GATA1: variants seen among roughly 807,000 people sequenced by gnomAD.
GATA1 encodes the protein erythroid transcription factor.
A neutral mutation model predicts 18.9 loss-of-function variants in GATA1; 2 were observed. The observed-to-expected ratio is 0.11, with a 90% CI of 0.04 to 0.33. The LOEUF is 0.33. Among genes scored for constraint, GATA1 ranks in the 10% least tolerant of loss-of-function variants. The pLI is 1.00. For synonymous variants in GATA1, 152 were observed against 149.1 expected, an observed-to-expected ratio of 1.02 and a Z score of -0.14; for missense variants, 272 against 344.7, an observed-to-expected ratio of 0.79 and a Z score of 1.67.
intron 1 of GATA1, among the ~76,000 whole-genome samples, chrX:48,788,356 C>A (rs1019424760): frequency 9.2e-6 from 1 of 109,184 alleles, no homozygotes; most frequent in African/African-American, 3.3e-5. Flanking sequence ...GACAGATGGC[C>A]GGAGAAAAAG....
chrX:48,791,065 T>C (rs1557019980), intron 1 of GATA1, 26 bp from the exon 2 acceptor site: 1 of 1,062,876 alleles, frequency 9.4e-7, no homozygotes, highest in African/African-American at 1.9e-5. Context: ...GATTTCTGTG[T>C]CTGAGGACCC....
At chrX:48,791,769 C>T in intron 2 of GATA1, 75 bp from the exon 3 acceptor site, 1 of 1,143,510 alleles carries the variant, frequency 8.7e-7, no homozygotes. Context: ...TGCTGGGAAC[C>T]ACTGCACCCT....
In GATA1 at chrX:48,793,994, C is replaced by A; in HGVS notation, c.1072C>A (p.Pro358Thr). The change falls in exon 6 of 6, where the codon CCA (proline) becomes ACA (threonine). Residue 358 changes from proline to threonine, a missense_variant. Coordinates refer to ENST00000376670, the MANE Select transcript of GATA1 (RefSeq NM_002049.4). Reference protein sequence around the residue: ...EVASGLTLGPPGTAHLYQGLG... With the variant: ...EVASGLTLGPTGTAHLYQGLG... Reference sequence around the variant, plus strand: ...GGCTTCAGGCCTGACACTGGGCCCCCCAGGTACTGCCCATCTCTACCAAGG... The same window carrying A: ...GGCTTCAGGCCTGACACTGGGCCCCACAGGTACTGCCCATCTCTACCAAGG... 8.3e-7 allele frequency: 1 copy of A among 1,209,333 alleles called. No individual in the cohort carries two copies. Among genetic ancestry groups the A allele is most frequent in the East Asian group, 3.0e-5 (1 of 33,729 alleles).
At chrX:48,793,105 C>T (rs2062679624) in intron 4 of GATA1, 67 bp from the exon 5 acceptor site, 3 of 1,161,104 alleles carry the variant, frequency 2.6e-6, no homozygotes, top group South Asian at 1.8e-5. Context: ...CCTGACATCC[C>T]CTGTGAGCCC....
Position 48,791,243 on chromosome X carries a change from C to G in GATA1, c.134C>G (p.Ala45Gly). 1 of 1,205,952 alleles carries G rather than the reference C, an allele frequency of 8.3e-7. No homozygotes were observed. ...GGGCCTGAGGGCTTGGATGCAGCAG[C>G]TTCCTCCACTGCCCCGAGCACAGCC... ...PSGPEGLDAA[A>G]SSTAPSTATA... Residue 45 changes from alanine (A) to glycine (G), a missense_variant, in exon 2 of 6, where the codon GCT becomes GGT. Around this residue, in one of 3 missense-constraint regions of GATA1, gnomAD observed 147 missense variants for 157.4 expected, o/e 0.93. Coordinates refer to ENST00000376670, the MANE Select transcript of GATA1 (RefSeq NM_002049.4).
In GATA1 at chrX:48,791,970, C is replaced by G. The variant is rs1557020191; in HGVS notation, c.347C>G (p.Ser116Cys). 4.1e-6 allele frequency: 5 copies of G among 1,211,846 alleles called. No homozygotes were observed. Among genetic ancestry groups the G allele is most frequent in the Non-Finnish European group, 2.2e-6 (2 of 895,513 alleles). The change falls in exon 3 of 6, where the codon TCT becomes TGT. Residue 116 changes from serine to cysteine, a missense_variant. By Grantham distance (112) the Ser-to-Cys change is moderately radical (BLOSUM62 -1). Around this residue, in one of 3 missense-constraint regions of GATA1, gnomAD observed 147 missense variants for 157.4 expected, o/e 0.93. Coordinates refer to ENST00000376670, the MANE Select transcript of GATA1 (RefSeq NM_002049.4). Reference protein sequence around the residue: ...ASTVCPTREDSPPQAVEDLDG... With the variant: ...ASTVCPTREDCPPQAVEDLDG... ...ACTGTGTGTCCCACCCGCGAGGACT[C>G]TCCTCCCCAGGCCGTGGAAGATCTG... is the stretch of plus-strand genomic sequence containing the variant.
intron 5 of GATA1, 128 bp downstream of exon 5, chrX:48,793,425 T>C: frequency 1.8e-6 from 1 of 551,339 alleles, no homozygotes; most frequent in Non-Finnish European, 2.9e-6. Context: ...CTTTCCCTCC[T>C]TCCTCCCCCT....
chrX:48,789,594 ACTCTGGTGGGC>A (rs1304012376), intron 1 of GATA1, among the ~76,000 whole-genome samples: 2 of 110,824 alleles, frequency 1.8e-5, no homozygotes, highest in African/African-American at 6.6e-5. Context: ...TGAAAGCAGA[ACTCTGGTGGGC>A]CTCTCCAGGG....
rs1557020632 is a variant in GATA1, at chrX:48,794,077, C to T, written c.1155C>T (p.Pro385=). 1 of 1,207,222 alleles carries T rather than the reference C, an allele frequency of 8.3e-7. No homozygotes were observed. Residue 385 remains proline, a synonymous_variant, in exon 6 of 6, where the codon CCC becomes CCT. Transcript: ENST00000376670. Reference sequence around the variant, plus strand: ...GCCACCTCATGCCTTTCCCTGGACCCCTACTGGGCTCACCCACGGGCTCCT... The same window carrying T: ...GCCACCTCATGCCTTTCCCTGGACCTCTACTGGGCTCACCCACGGGCTCCT... ...PVSHLMPFPG[P]LLGSPTGSFP...
At chrX:48,788,406 G>A (rs1557019511) in intron 1 of GATA1, among the ~76,000 whole-genome samples, 1 of 111,213 alleles carries the variant, frequency 9.0e-6, no homozygotes, top group Non-Finnish European at 1.9e-5. Context: ...TAGAAATGCA[G>A]AGATACACGC....
rs1557020568 is a variant in GATA1 at position 48,793,893 on chromosome X, C to T, written c.971C>T (p.Thr324Ile). Residue 324 changes from threonine (T) to isoleucine (I), a missense_variant, in exon 6 of 6, where the codon ACA becomes ATA. This residue lies in a region of GATA1 where 83 missense variants were observed against 84.2 expected (regional missense o/e 0.99). Coordinates refer to ENST00000376670, the MANE Select transcript of GATA1 (RefSeq NM_002049.4). ...KKKRGSSLGG[T>I]GAAEGPAGGF... ...AAACGGGGCTCCAGTCTGGGAGGCA[C>T]AGGAGCAGCCGAAGGACCAGCTGGT... 1.7e-6 allele frequency: 2 copies of T among 1,206,845 alleles called. No individual in the cohort carries two copies. The highest frequency in any genetic ancestry group is 4.4e-5 in the Admixed American group (2 of 45,512).
rs782469019 is a variant in GATA1 at position 48,791,621 on chromosome X, A to C, written c.221-223A>C. Reference sequence around the variant, plus strand: ...CCAAATCCCAACAGTCATCCTCAAAAACCCACTTGGAAATGGTCAGAGGTT... The same window carrying C: ...CCAAATCCCAACAGTCATCCTCAAACACCCACTTGGAAATGGTCAGAGGTT... On this transcript the variant is annotated intron_variant, in intron 2 of 5. Coordinates refer to ENST00000376670, the MANE Select transcript of GATA1 (RefSeq NM_002049.4). Among the ~76,000 whole-genome samples, 27 of 111,082 alleles carry C rather than the reference A, an allele frequency of 2.4e-4. 2 individuals carry two copies. In the South Asian group the frequency reaches 9.7e-3, roughly 40 times the overall value.
chrX:48,793,666 C>A (rs1393739022), intron 5 of GATA1, 127 bp from the exon 6 acceptor site: 1 of 1,002,559 alleles, frequency 1.0e-6, no homozygotes, highest in African/African-American at 1.9e-5. Context: ...CCTCAGGATT[C>A]CTTGGACAAT....
chrX:48,792,261 G>A lies in GATA1; in HGVS notation c.598+40G>A, dbSNP rs377057415. The A allele has an allele frequency of 2.5e-6, 3 of 1,209,785 alleles. No homozygotes were observed. The African/African-American group carries it at 5.3e-5, about 21-fold the overall frequency. On this transcript the variant is annotated intron_variant, in intron 3 of 5. Coordinates refer to ENST00000376670, the MANE Select transcript of GATA1 (RefSeq NM_002049.4). ...AAAGGACAGGGAAGTTGAGGTGGGAGGGGTGGCCCAAAGTAAAGCTGAGCT... is the reference window on the plus strand; with the variant it reads ...AAAGGACAGGGAAGTTGAGGTGGGAAGGGTGGCCCAAAGTAAAGCTGAGCT...
At chrX:48,789,182 C>T (rs1053222125) in intron 1 of GATA1, among the ~76,000 whole-genome samples, 3 of 110,677 alleles carry the variant, frequency 2.7e-5, no homozygotes, top group Admixed American at 1.9e-4. Flanking sequence ...TGGCATGTGC[C>T]TGTAATCCCA....
chrX:48,790,385 T>A (rs1301506391), intron 1 of GATA1, among the ~76,000 whole-genome samples: 1 of 110,398 alleles, frequency 9.1e-6, no homozygotes, highest in Non-Finnish European at 1.9e-5. Flanking sequence ...CGGGAGGCAG[T>A]GGTTGCAGTG....
chrX:48,792,557 G>A (rs1261188145), intron 4 of GATA1, 89 bp downstream of exon 4: 9 of 1,126,955 alleles, frequency 8.0e-6, no homozygotes, highest in Non-Finnish European at 1.1e-5. Context: ...ATATAGGAAC[G>A]CTGTTCTCAT....
intron 1 of GATA1, among the ~76,000 whole-genome samples, chrX:48,787,372 C>T (rs1184944210): frequency 9.0e-6 from 1 of 110,990 alleles, no homozygotes; most frequent in East Asian, 2.8e-4. Context: ...AAACACATCT[C>T]ATTGTCTCCC....
At chrX:48,793,487 TTC>T (rs1392076045) in intron 5 of GATA1, among the ~76,000 whole-genome samples, 190 bp downstream of exon 5, 1 of 85,496 alleles carries the variant, frequency 1.2e-5, no homozygotes, top group African/African-American at 4.5e-5. Flanking sequence ...ACTTTCCCCC[TTC>T]TCTGTTATTA....
Sources: gnomAD v4.1 joint callset for allele counts (sites outside exome capture counted in the v4.1 genomes callset) on GRCh38, gnomAD v4.1.1 for gene constraint, gnomAD v4.1.1 regional missense constraint, MANE v1.5 for transcripts, NCBI Gene and HGNC (gene_info 2026-07-23, HGNC 2026-07-21) for gene names.